The following CMIP variants were observed in gnomAD, a reference collection of about 807,000 sequenced individuals.
The protein encoded by CMIP is c-Maf inducing protein, also known as C-Maf-inducing protein.
A neutral mutation model predicts 97.3 loss-of-function variants in CMIP; 13 were observed. That is an observed-to-expected ratio of 0.13 (90% CI 0.09 to 0.21). The LOEUF (loss-of-function observed/expected upper bound fraction) is 0.21. Among genes scored for constraint, CMIP ranks in the 10% least tolerant of loss-of-function variants. CMIP has a pLI of 1.00. For missense variants in CMIP, 847 were observed against 1,024.9 expected, an observed-to-expected ratio of 0.83 and a Z score of 2.37; for synonymous variants, 538 against 436.3, an observed-to-expected ratio of 1.23 and a Z score of -2.91.
intron 1 of CMIP, among the ~76,000 whole-genome samples, chr16:81,522,166 T>C (rs1253320174): frequency 3.3e-5 from 5 of 152,198 alleles, no homozygotes; most frequent in Non-Finnish European, 5.9e-5. Flanking sequence ...ATCAACCCAG[T>C]GTGGCAACAC....
intron 1 of CMIP, among the ~76,000 whole-genome samples, chr16:81,595,735 A>G (rs149871596): frequency 2.0e-5 from 3 of 151,992 alleles, no homozygotes; most frequent in Non-Finnish European, 4.4e-5. Context: ...TCTTTTTTTT[A>G]TCGCTGCATA....
chr16:81,531,825 A>G (rs2090241713), intron 1 of CMIP, among the ~76,000 whole-genome samples: 1 of 152,210 alleles, frequency 6.6e-6, no homozygotes, highest in South Asian at 2.1e-4. Context: ...TGACTAAGAA[A>G]CATTCATTTC....
At position 81,542,700 on chromosome 16, in the gene CMIP, C is replaced by A. The variant is rs577227140; in HGVS notation, c.301-64867C>A. Among the ~76,000 whole-genome samples, 35 of 152,096 alleles carry A rather than the reference C, an allele frequency of 2.3e-4. 2 individuals are homozygous for A. The South Asian group carries it at 7.1e-3, about 31-fold the overall frequency. On this transcript the variant is annotated intron_variant, in intron 1 of 20. Coordinates refer to ENST00000537098, the MANE Select transcript of CMIP (RefSeq NM_198390.3). Reference sequence around the variant, plus strand: ...GCAGACAGCCACCTTCTCACTGTGTCCTCACATGGTAGAGAAAGAGAGCAC... The same window carrying A: ...GCAGACAGCCACCTTCTCACTGTGTACTCACATGGTAGAGAAAGAGAGCAC...
intron 3 of CMIP, among the ~76,000 whole-genome samples, chr16:81,633,823 A>G (rs2092198055): frequency 6.6e-6 from 1 of 152,234 alleles, no homozygotes; most frequent in Admixed American, 6.5e-5. Context: ...CAGGAGTACA[A>G]GGACCTTAGA....
chr16:81,696,713 C>G, intron 14 of CMIP, 46 bp downstream of exon 14: 1 of 1,548,990 alleles, frequency 6.5e-7, no homozygotes, highest in Non-Finnish European at 8.7e-7. Context: ...GGTCCCTGGG[C>G]TTGCCATGCC....
intron 1 of CMIP, among the ~76,000 whole-genome samples, chr16:81,558,520 T>C (rs1049157228): frequency 3.3e-5 from 5 of 152,206 alleles, no homozygotes; most frequent in Non-Finnish European, 1.5e-5. Flanking sequence ...GGGATACTGC[T>C]CAGTGCCCTG....
intron 1 of CMIP, among the ~76,000 whole-genome samples, chr16:81,574,156 C>T (rs781175820): frequency 1.3e-5 from 2 of 152,228 alleles, no homozygotes; most frequent in Non-Finnish European, 2.9e-5. Context: ...TTTCCATCAT[C>T]GTAGTACGTT....
At chr16:81,702,964 C>T (rs767894126) in intron 17 of CMIP, among the ~76,000 whole-genome samples, 5 of 152,154 alleles carry the variant, frequency 3.3e-5, no homozygotes, top group Non-Finnish European at 7.3e-5. Context: ...ATTTGTGTGT[C>T]AGATGCTCTT....
chr16:81,546,809 A>G (rs570493609), intron 1 of CMIP, among the ~76,000 whole-genome samples: 4 of 152,288 alleles, frequency 2.6e-5, no homozygotes, highest in African/African-American at 9.6e-5. Context: ...GCTGCCATGT[A>G]TGGCTATTTA....
chr16:81,481,474 T>C (rs1214899244), intron 1 of CMIP, among the ~76,000 whole-genome samples: 1 of 152,188 alleles, frequency 6.6e-6, no homozygotes, highest in Non-Finnish European at 1.5e-5. Context: ...GCTTCAGAGC[T>C]TGACTAAGTA....
chr16:81,699,485 CAG>C (rs1326467900), intron 14 of CMIP, among the ~76,000 whole-genome samples, 198 bp from the exon 15 acceptor site: 2 of 152,182 alleles, frequency 1.3e-5, no homozygotes, highest in African/African-American at 4.8e-5. Context: ...ATAGTGTCCT[CAG>C]GGTTCATCTG....
intron 1 of CMIP, among the ~76,000 whole-genome samples, chr16:81,498,498 T>G (rs2089534825): frequency 6.6e-6 from 1 of 152,192 alleles, no homozygotes; most frequent in Admixed American, 6.5e-5. Flanking sequence ...GTGGTCCTGC[T>G]TTCTCACGGG....
chr16:81,689,005 GCATAGTATTC>G (rs1905748511), intron 10 of CMIP, among the ~76,000 whole-genome samples: 1 of 152,208 alleles, frequency 6.6e-6, no homozygotes, highest in South Asian at 2.1e-4. Context: ...TTTTATGGCT[GCATAGTATTC>G]CATGGTGTAT....
In CMIP at chr16:81,643,648, C is replaced by T. The variant is rs144991359; in HGVS notation, c.478-8555C>T. Among the ~76,000 whole-genome samples the T allele has an allele frequency of 1.8e-3, 280 of 152,088 alleles. 2 individuals are homozygous for T. The highest frequency in any genetic ancestry group is 6.8e-3 in the Middle Eastern group (2 of 294). On this transcript the variant is annotated intron_variant, in intron 3 of 20. Transcript: ENST00000537098. ...CTCTACTAAAAATACAAAAATTAGC[C>T]GGGTGTGGTGGTGGGCGCCTATAAT...
chr16:81,557,386 T>C (rs1382979816), intron 1 of CMIP, among the ~76,000 whole-genome samples: 1 of 152,212 alleles, frequency 6.6e-6, no homozygotes, highest in Admixed American at 6.5e-5. Context: ...TTGAATTCAC[T>C]TATTACTGTG....
chr16:81,569,986 T>C (rs567553865), intron 1 of CMIP, among the ~76,000 whole-genome samples: 1 of 151,864 alleles, frequency 6.6e-6, no homozygotes, highest in South Asian at 2.1e-4. Flanking sequence ...CAGCTTTCAC[T>C]AACTTCTTCA....
intron 3 of CMIP, among the ~76,000 whole-genome samples, chr16:81,636,623 A>T (rs2092239984): frequency 6.6e-6 from 1 of 151,886 alleles, no homozygotes; most frequent in African/African-American, 2.4e-5. Context: ...TGACTAATTT[A>T]AGAATCCTGG....
chr16:81,563,231 T>C (rs1050331275), intron 1 of CMIP, among the ~76,000 whole-genome samples: 1 of 152,178 alleles, frequency 6.6e-6, no homozygotes, highest in African/African-American at 2.4e-5. Flanking sequence ...AGAGGAACAG[T>C]GAGAATACAG....
chr16:81,479,986 C>A (rs1398519211), intron 1 of CMIP, among the ~76,000 whole-genome samples: 3 of 152,218 alleles, frequency 2.0e-5, no homozygotes, highest in African/African-American at 4.8e-5. Flanking sequence ...TGGTTCTCAG[C>A]CCTGGCCGCA....
Sources: allele counts gnomAD v4.1 joint callset (sites outside exome capture counted in the v4.1 genomes callset), GRCh38; gene constraint gnomAD v4.1.1; transcripts MANE v1.5; gene names NCBI Gene and HGNC (gene_info 2026-07-23, HGNC 2026-07-21).